BCAN: variants seen among roughly 807,000 people sequenced by gnomAD.
BCAN encodes the protein brevican.
In BCAN, 51 loss-of-function variants were observed where a neutral mutation model predicts 92.4. The observed-to-expected ratio is 0.55, with a 90% CI of 0.44 to 0.70. The LOEUF (loss-of-function observed/expected upper bound fraction) is 0.70, where lower values mean the gene tolerates loss of function less well. Among genes scored for constraint, BCAN ranks in the 30% least tolerant of loss-of-function variants. BCAN has a pLI of 0.00. For missense variants in BCAN, 1,140 were observed against 1,212.1 expected (o/e 0.94, Z 0.88); for synonymous variants, 501 against 505.2 (o/e 0.99, Z 0.11).
chr1:156,654,455 A>G (rs1489618010), intron 8 of BCAN, among the ~76,000 whole-genome samples: 2 of 152,168 alleles, frequency 1.3e-5, no homozygotes, highest in Non-Finnish European at 2.9e-5. Context: ...CGGGAGGGTA[A>G]GTGAGAGGTC....
chr1:156,657,224 C>T, intron 10 of BCAN, 128 bp downstream of exon 10: 3 of 1,163,856 alleles, frequency 2.6e-6, no homozygotes, highest in Non-Finnish European at 1.2e-6. Context: ...TTCCCTCACT[C>T]ATTCGTTCAC....
chr1:156,650,033 T>C (rs1571443427), intron 6 of BCAN: 4 of 471,380 alleles, frequency 8.5e-6, no homozygotes, highest in East Asian at 1.1e-4. Context: ...TTTGGACAGA[T>C]CTGTGGACAT....
intron 7 of BCAN, 27 bp downstream of exon 7, chr1:156,651,716 T>A (rs200156625): frequency 2.6e-6 from 4 of 1,562,512 alleles, no homozygotes; most frequent in Non-Finnish European, 3.5e-6. Flanking sequence ...ATCCTAAGGA[T>A]GTCTTGATTG....
chr1:156,653,176 G>C, intron 8 of BCAN: 3 of 1,380,488 alleles, frequency 2.2e-6, no homozygotes, highest in Non-Finnish European at 2.8e-6. Context: ...CTCACATCTC[G>C]CCAGCCCCAC....
intron 5 of BCAN, 104 bp from the exon 6 acceptor site, chr1:156,648,464 C>T (rs1679056228): frequency 8.0e-7 from 1 of 1,248,770 alleles, no homozygotes; most frequent in Non-Finnish European, 1.1e-6. Context: ...GACTCCCTGC[C>T]ACAGATGAGG....
chr1:156,656,405 C>A lies in BCAN; in HGVS notation c.2050+16C>A. The stretch of plus-strand genomic sequence containing the variant: ...TGCGATGTTGGTGAGTGTTGAGGGA[C>A]GGGGGGCAGGTTTGAAGCCTGGACC... On this transcript the variant is annotated intron_variant, in intron 9 of 13. Coordinates refer to ENST00000329117, the MANE Select transcript of BCAN (RefSeq NM_021948.5). 7.5e-7 allele frequency: 1 copy of A among 1,339,064 alleles called. No individual in the cohort carries two copies. Among genetic ancestry groups the A allele is most frequent in the Non-Finnish European group, 9.6e-7 (1 of 1,036,804 alleles). 82.9% of individuals were successfully genotyped at this position (1,339,064 alleles called of 1,614,324 possible). A position where few individuals can be genotyped will look rare whatever the true frequency, so the allele number is the denominator to read the frequency against.
Position 156,658,311 on chromosome 1 carries a change from G to C in BCAN, c.2437+40G>C. 6.2e-7 allele frequency: 1 copy of C among 1,607,084 alleles called. No homozygotes were observed. Among genetic ancestry groups the C allele is most frequent in the Non-Finnish European group, 8.5e-7 (1 of 1,176,170 alleles). ...AGGAGGGTCCCAGCAAGGAAGTGGA[G>C]GGGTGGGCTAGGGGACCAGAGGGAC... On this transcript the variant is annotated intron_variant, in intron 12 of 13. Transcript: ENST00000329117. This position sits in a 1 kb window ranked among gnomAD's most constrained non-coding sequence, Gnocchi z 4.4.
chr1:156,650,810 G>A (rs1312049177), intron 6 of BCAN, among the ~76,000 whole-genome samples: 2 of 152,214 alleles, frequency 1.3e-5, no homozygotes, highest in Admixed American at 6.5e-5. Flanking sequence ...AGTTACGGTG[G>A]CACATGCCTG....
Position 156,658,270 on chromosome 1 carries a change from G to A in BCAN, c.2436G>A (p.Leu812=). Residue 812 remains leucine (L), a splice_region_variant and synonymous_variant, in exon 12 of 14, where the codon CTG becomes CTA. Transcript: ENST00000329117. The surrounding 1 kb of genome is among the most constrained non-coding windows in gnomAD (Gnocchi z 4.4). ...YHLSYTCKMG[L]VSCGPPPELP... is the part of the protein sequence containing the mutation. ...TGTCCTACACCTGCAAGATGGGGCT[G>A]GGTGAGGGCAGGCAAAGGAGGGTCC... 6.2e-7 allele frequency: 1 copy of A among 1,613,702 alleles called. No individual in the cohort carries two copies.
Position 156,646,785 on chromosome 1 carries a change from C to T in BCAN, c.92-16C>T. The stretch of plus-strand genomic sequence containing the variant: ...GTCGACAGCGTTAAGTTCCAGCCGG[C>T]TCCACCCGTTCACAGAGGACCGCGC... On this transcript the variant is annotated splice_polypyrimidine_tract_variant and intron_variant, in intron 2 of 13. Transcript: ENST00000329117. The T allele has an allele frequency of 6.5e-7, 1 of 1,535,486 alleles. No individual in the cohort carries two copies. The highest frequency in any genetic ancestry group is 8.8e-7 in the Non-Finnish European group (1 of 1,140,084).
At chr1:156,657,248 C>T in intron 10 of BCAN, 152 bp downstream of exon 10, 1 of 1,039,190 alleles carries the variant, frequency 9.6e-7, no homozygotes, top group South Asian at 1.6e-5. Flanking sequence ...CCTTCTCATT[C>T]TCTCTCCCTT....
At chr1:156,649,143 A>G (rs1679080829) in intron 6 of BCAN, among the ~76,000 whole-genome samples, 1 of 152,182 alleles carries the variant, frequency 6.6e-6, no homozygotes, top group African/African-American at 2.4e-5. Context: ...GGGCTGCTGA[A>G]TAAGCTCCCA....
Position 156,648,814 on chromosome 1 carries a change from C to T in BCAN, c.1016C>T (p.Thr339Ile). 1 of 1,590,822 alleles carries T rather than the reference C, an allele frequency of 6.3e-7. No homozygotes were observed. Among genetic ancestry groups the T allele is most frequent in the South Asian group, 1.1e-5 (1 of 89,962 alleles). Residue 339 changes from threonine (T) to isoleucine (I), a missense_variant, in exon 6 of 14, where the codon ACT (threonine) becomes ATT (isoleucine). By Grantham distance (89) the Thr-to-Ile change is moderately conservative. Transcript: ENST00000329117. The part of the protein sequence containing the change: ...VKTLFLFPNQ[T>I]GFPNKHSRFN... The stretch of plus-strand genomic sequence containing the variant: ...ACTCTCTTCCTCTTCCCCAACCAGA[C>T]TGGCTTCCCCAATAAGCACAGCCGC...
At position 156,658,174 on chromosome 1, in the gene BCAN, TGGAGA is replaced by T. The variant is rs1256098838; in HGVS notation, c.2342_2346del (p.Gly781GlufsTer9). 6.2e-7 allele frequency: 1 copy of T among 1,614,052 alleles called. No homozygotes were observed. The highest frequency in any genetic ancestry group is 8.5e-7 in the Non-Finnish European group (1 of 1,179,976). ...GGCAGCCTGACAGCTACTTCCTGTCTGGAGAGAACTGCGTGGTCATGGTGTGGCAT... is the reference window on the plus strand; with the variant it reads ...GGCAGCCTGACAGCTACTTCCTGTCTGAACTGCGTGGTCATGGTGTGGCAT... On this transcript the variant is annotated frameshift_variant, in exon 12 of 14. Transcript: ENST00000329117. LOFTEE classifies it high-confidence loss of function. The surrounding 1 kb of genome is among the most constrained non-coding windows in gnomAD (Gnocchi z 4.4).
At position 156,646,910 on chromosome 1, in the gene BCAN, C is replaced by T. The variant is rs762922578; in HGVS notation, c.201C>T (p.Ser67=). The change falls in exon 3 of 14, where the codon AGC becomes AGT. Residue 67 remains serine (S), a synonymous_variant. Coordinates refer to ENST00000329117, the MANE Select transcript of BCAN (RefSeq NM_021948.5). ...TCCACTACCTGCGGCCACCGCCGAG[C>T]CGCCGGGCTGTGCTGGGCTCTCCGC... The part of the protein sequence containing the change: ...CHVHYLRPPP[S]RRAVLGSPRV... 1.2e-6 allele frequency: 2 copies of T among 1,611,658 alleles called. 1 individual carries two copies. Among genetic ancestry groups the T allele is most frequent in the Non-Finnish European group, 1.7e-6 (2 of 1,179,164 alleles).
At chr1:156,655,284 G>C (rs142747574) in intron 8 of BCAN, among the ~76,000 whole-genome samples, 1 of 152,254 alleles carries the variant, frequency 6.6e-6, no homozygotes, top group African/African-American at 2.4e-5. Context: ...GAGAGAAAAA[G>C]TCCAGTAAAG....
In BCAN at chr1:156,658,724, C is replaced by T; in HGVS notation, c.2619C>T (p.Pro873=). 6.2e-7 allele frequency: 1 copy of T among 1,613,992 alleles called. No homozygotes were observed. The highest frequency in any genetic ancestry group is 8.5e-7 in the Non-Finnish European group (1 of 1,180,036). The change falls in exon 13 of 14, where the codon CCC becomes CCT. Residue 873 remains proline, a synonymous_variant. Transcript: ENST00000329117. This position sits in a 1 kb window ranked among gnomAD's most constrained non-coding sequence, Gnocchi z 4.4. ...RWEAPQISCV[P]RRPARALHPE... Reference sequence around the variant, plus strand: ...AGGCCCCCCAGATCTCCTGTGTGCCCAGAAGACCTGTGAGTGCCAGGAAGA... The same window carrying T: ...AGGCCCCCCAGATCTCCTGTGTGCCTAGAAGACCTGTGAGTGCCAGGAAGA...
chr1:156,652,435 C>T lies in BCAN; in HGVS notation c.1485C>T (p.Leu495=). Reference sequence around the variant, plus strand: ...GCAGCCCGGGCCCTGAGGCCTCTCTCCCCACTGAGCCAGCAGCCCAGGAGG... The same window carrying T: ...GCAGCCCGGGCCCTGAGGCCTCTCTTCCCACTGAGCCAGCAGCCCAGGAGG... The part of the protein sequence containing the change: ...ELSSPGPEAS[L]PTEPAAQEES... The change falls in exon 8 of 14, where the codon CTC becomes CTT. Residue 495 remains leucine (L), a synonymous_variant. Transcript: ENST00000329117. 4 of 1,603,852 alleles carry T rather than the reference C, an allele frequency of 2.5e-6. No individual in the cohort carries two copies. In the South Asian group the frequency reaches 4.5e-5, roughly 18 times the overall value.
intron 8 of BCAN, chr1:156,653,326 G>A: frequency 9.4e-7 from 1 of 1,061,380 alleles, no homozygotes; most frequent in Non-Finnish European, 1.1e-6. Context: ...AAGCCTGGGA[G>A]TCCCTTCTCA....
Sources: gnomAD v4.1 joint callset for allele counts (sites outside exome capture counted in the v4.1 genomes callset) on GRCh38, gnomAD v4.1.1 for gene constraint, Gnocchi (gnomAD v3.1) non-coding constraint, MANE v1.5 for transcripts, NCBI Gene and HGNC (gene_info 2026-07-23, HGNC 2026-07-21) for gene names.